Variants in PCDHGB6 observed in about 807,000 individuals in gnomAD.
PCDHGB6 encodes the protein protocadherin gamma subfamily B, 6.
A neutral mutation model predicts 59.1 loss-of-function variants in PCDHGB6; 51 were observed. The ratio of observed to expected loss-of-function variants is 0.86; its 90% confidence interval spans 0.69 to 1.09. The LOEUF is 1.09. Ranked by LOEUF, PCDHGB6 falls within the 50% of genes least tolerant of loss-of-function variation. The pLI is 0.00. For synonymous variants in PCDHGB6, 466 were observed against 495.1 expected, an observed-to-expected ratio of 0.94 and a Z score of 0.78; for missense variants, 1,148 against 1,205.1, an observed-to-expected ratio of 0.95 and a Z score of 0.70.
intron 2 of PCDHGB6, among the ~76,000 whole-genome samples, chr5:141,504,748 T>A (rs979724181): frequency 7.2e-5 from 11 of 151,880 alleles, no homozygotes; most frequent in Non-Finnish European, 1.3e-4. Context: ...CCATTGAATT[T>A]TAGAAATTTC....
At position 141,511,219 on chromosome 5, in the gene PCDHGB6, G is replaced by A. The variant is rs1467284181; in HGVS notation, c.*46G>A. On this transcript the variant is annotated 3_prime_UTR_variant, in exon 4 of 4. Coordinates refer to ENST00000520790, the MANE Select transcript of PCDHGB6 (RefSeq NM_018926.3). ...CCACAGGGCGGCCTCTCCCCAACCA[G>A]CCCAGCTTCTCCTTACCTGCACCCA... 5 of 1,606,366 alleles carry A rather than the reference G, an allele frequency of 3.1e-6. No individual in the cohort carries two copies. The highest frequency in any genetic ancestry group is 2.7e-5 in the African/African-American group (2 of 74,686).
chr5:141,431,265 G>A lies in PCDHGB6; in HGVS notation c.2418+20645G>A. 2 of 1,614,168 alleles carry A rather than the reference G, an allele frequency of 1.2e-6. No homozygotes were observed. On this transcript the variant is annotated intron_variant, in intron 1 of 3. Transcript: ENST00000520790. This position sits in a 1 kb window ranked among gnomAD's most constrained non-coding sequence, Gnocchi z 4.8. ...GATATCGGGAAGAACTCTCTGCAGA[G>A]CTACGAGCTCAGCCCGAACACTCAC...
chr5:141,419,137 CA>C (rs1561778370), intron 1 of PCDHGB6: 1 of 1,613,892 alleles, frequency 6.2e-7, no homozygotes, highest in African/African-American at 1.3e-5. Flanking sequence ...CAGCCACAGA[CA>C]GGGGCAAGCC....
intron 1 of PCDHGB6, among the ~76,000 whole-genome samples, chr5:141,472,908 C>T (rs1369506606): frequency 1.3e-5 from 2 of 149,744 alleles, no homozygotes; most frequent in African/African-American, 2.5e-5. Context: ...ATTGCTTGAA[C>T]CCAAGAGGAG....
chr5:141,414,357 A>G, intron 1 of PCDHGB6: 3 of 1,613,888 alleles, frequency 1.9e-6, no homozygotes, highest in Non-Finnish European at 2.5e-6. Flanking sequence ...TGGCGTATCT[A>G]CCATTTAAAT....
intron 1 of PCDHGB6, among the ~76,000 whole-genome samples, chr5:141,433,513 C>T (rs2097615953): frequency 6.6e-6 from 1 of 152,066 alleles, no homozygotes; most frequent in Non-Finnish European, 1.5e-5. Flanking sequence ...GGATTACAGG[C>T]GTGAACCACA....
At chr5:141,418,718 A>G (rs1334115906) in intron 1 of PCDHGB6, 4 of 1,613,912 alleles carry the variant, frequency 2.5e-6, no homozygotes, top group Non-Finnish European at 3.4e-6. Flanking sequence ...TGTGGCTGAC[A>G]AAGCTCAGCA....
chr5:141,440,618 C>G (rs1287745652), intron 1 of PCDHGB6: 3 of 152,196 alleles, frequency 2.0e-5, no homozygotes, highest in South Asian at 2.1e-4. Context: ...GCAGAAGATC[C>G]TGATGTTGAG....
intron 1 of PCDHGB6, chr5:141,428,087 G>A (rs2097108117): frequency 6.2e-7 from 1 of 1,609,106 alleles, no homozygotes; most frequent in Non-Finnish European, 8.5e-7. Context: ...ACAACGCTTG[G>A]CTGTCCTACC....
chr5:141,489,776 C>T lies in PCDHGB6; in HGVS notation c.2419-5031C>T. The T allele has an allele frequency of 6.2e-7, 1 of 1,614,202 alleles. No homozygotes were observed. Among genetic ancestry groups the T allele is most frequent in the Non-Finnish European group, 8.5e-7 (1 of 1,180,020 alleles). On this transcript the variant is annotated intron_variant, in intron 1 of 3. Transcript: ENST00000520790. This position sits in a 1 kb window ranked among gnomAD's most constrained non-coding sequence, Gnocchi z 4.5. ...ACTCTAAGCCCCAACAGCCACTTCT[C>T]TCTGAATGTGAAGACCCTAAAAGAT...
intron 1 of PCDHGB6, among the ~76,000 whole-genome samples, chr5:141,482,498 T>G (rs1226516612): frequency 1.5e-5 from 2 of 135,390 alleles, no homozygotes; most frequent in African/African-American, 3.0e-5. Context: ...GTTATCATTC[T>G]GGTACCCAGA....
Position 141,491,103 on chromosome 5 carries a change from G to C in PCDHGB6, c.2419-3704G>C. 1 of 1,614,162 alleles carries C rather than the reference G, an allele frequency of 6.2e-7. No individual in the cohort carries two copies. Among genetic ancestry groups the C allele is most frequent in the South Asian group, 1.1e-5 (1 of 91,082 alleles). On this transcript the variant is annotated intron_variant, in intron 1 of 3. Transcript: ENST00000520790. The surrounding 1 kb of genome is among the most constrained non-coding windows in gnomAD (Gnocchi z 6.9). ...CCACAGCCCCAGGACTGTTCCTCGT[G>C]TCTACACACACTGGTGAGGTGCGCA... is the stretch of plus-strand genomic sequence containing the variant.
chr5:141,483,013 A>C (rs2154579792), intron 1 of PCDHGB6, among the ~76,000 whole-genome samples: 1 of 152,106 alleles, frequency 6.6e-6, no homozygotes, highest in Middle Eastern at 3.4e-3. Flanking sequence ...TGAACCCGGG[A>C]GGCAGAGGTT....
intron 2 of PCDHGB6, among the ~76,000 whole-genome samples, chr5:141,501,110 G>A (rs1373404247): frequency 2.6e-5 from 4 of 151,908 alleles, no homozygotes; most frequent in Admixed American, 6.6e-5. Flanking sequence ...CTCGTGATCC[G>A]CCTGCCTCAG....
Position 141,489,267 on chromosome 5 carries a change from C to T in PCDHGB6, c.2419-5540C>T, listed in dbSNP as rs370726160. 27 of 1,553,302 alleles carry T rather than the reference C, an allele frequency of 1.7e-5. No individual in the cohort carries two copies. Among genetic ancestry groups the T allele is most frequent in the African/African-American group, 8.2e-5 (6 of 73,324 alleles). ...TGGGGCCCAAGACACTCCCACAGCT[C>T]GCTGGGAAATGGCAAGTGCTGTGCA... On this transcript the variant is annotated intron_variant, in intron 1 of 3. Transcript: ENST00000520790. This position sits in a 1 kb window ranked among gnomAD's most constrained non-coding sequence, Gnocchi z 4.5.
At chr5:141,466,983 C>A (rs2099133398) in intron 1 of PCDHGB6, among the ~76,000 whole-genome samples, 1 of 151,884 alleles carries the variant, frequency 6.6e-6, no homozygotes, top group African/African-American at 2.4e-5. Context: ...TCATCATTTA[C>A]CTTTTGGCAT....
Position 141,487,289 on chromosome 5 carries a change from G to A in PCDHGB6, c.2419-7518G>A. The A allele has an allele frequency of 1.2e-6, 2 of 1,614,096 alleles. No individual in the cohort carries two copies. The highest frequency in any genetic ancestry group is 1.7e-6 in the Non-Finnish European group (2 of 1,180,024). On this transcript the variant is annotated intron_variant, in intron 1 of 3. Coordinates refer to ENST00000520790, the MANE Select transcript of PCDHGB6 (RefSeq NM_018926.3). The surrounding 1 kb of genome is among the most constrained non-coding windows in gnomAD (Gnocchi z 5.0). ...AGTGGCAATTTGCTTTGTCTCCTTTGGCTCATTCGTGGCACTACTCTCTAA... is the reference window on the plus strand; with the variant it reads ...AGTGGCAATTTGCTTTGTCTCCTTTAGCTCATTCGTGGCACTACTCTCTAA...
intron 1 of PCDHGB6, among the ~76,000 whole-genome samples, chr5:141,462,029 G>A (rs535977332): frequency 6.6e-6 from 1 of 152,260 alleles, no homozygotes; most frequent in East Asian, 1.9e-4. Context: ...CTTCATGTTG[G>A]TCAGGCGGGT....
At chr5:141,440,954 G>A (rs908507291) in intron 1 of PCDHGB6, 9 of 152,184 alleles carry the variant, frequency 5.9e-5, no homozygotes, top group Non-Finnish European at 1.0e-4. Flanking sequence ...GAGTGTCAAG[G>A]CAGAGATCAC....
Sources: gnomAD v4.1 joint callset for allele counts (sites outside exome capture counted in the v4.1 genomes callset) on GRCh38, gnomAD v4.1.1 for gene constraint, Gnocchi (gnomAD v3.1) non-coding constraint, MANE v1.5 for transcripts, NCBI Gene and HGNC (gene_info 2026-07-23, HGNC 2026-07-21) for gene names.